The following EPHX2 variants were observed in gnomAD, a reference collection of about 807,000 sequenced individuals.
The protein encoded by EPHX2 is bifunctional epoxide hydrolase 2.
Under a neutral mutation model 78.7 loss-of-function variants are expected in EPHX2, and 74 were observed. The ratio of observed to expected loss-of-function variants is 0.94; its 90% CI spans 0.78 to 1.14. The LOEUF (loss-of-function observed/expected upper bound fraction) is 1.14. Among genes scored for constraint, EPHX2 ranks in the 50% most tolerant of loss-of-function variants. EPHX2 has a pLI of 0.00. For synonymous variants in EPHX2, 251 were observed against 255.2 expected, an observed-to-expected ratio of 0.98 and a Z score of 0.16; for missense variants, 715 against 702.5, an observed-to-expected ratio of 1.02 and a Z score of -0.20.
intron 11 of EPHX2, 138 bp downstream of exon 11, chr8:27,522,646 A>C (rs117644756): frequency 1.2e-6 from 1 of 836,552 alleles, no homozygotes; most frequent in Admixed American, 2.3e-5. Flanking sequence ...TTCACTCTTT[A>C]GTGTCTGGTG....
At position 27,531,615 on chromosome 8, in the gene EPHX2, G is replaced by A. The variant is rs188816324; in HGVS notation, c.1171-5169G>A. 9.2e-5 allele frequency among the ~76,000 whole-genome samples: 14 copies of A among 152,316 alleles called. No individual in the cohort carries two copies. In the East Asian group the frequency reaches 2.5e-3, roughly 27 times the overall value. On this transcript the variant is annotated intron_variant, in intron 12 of 18. Coordinates refer to ENST00000521400, the MANE Select transcript of EPHX2 (RefSeq NM_001979.6). ...CTGGCCCAGCCCGCTGACCAGCAGA[G>A]GCTTCACCTCCACTCCTGGATGGCA...
At chr8:27,543,962 C>T in intron 17 of EPHX2, 133 bp downstream of exon 17, 1 of 1,010,416 alleles carries the variant, frequency 9.9e-7, no homozygotes, top group South Asian at 1.5e-5. Flanking sequence ...TCATCAGTAA[C>T]ATCACTGTCC....
intron 12 of EPHX2, among the ~76,000 whole-genome samples, chr8:27,529,247 T>C (rs1194461382): frequency 6.6e-6 from 1 of 152,206 alleles, no homozygotes; most frequent in Non-Finnish European, 1.5e-5. Flanking sequence ...CAAACAAGGC[T>C]TGCTTTTCTT....
chr8:27,537,732 T>C (rs10283378), intron 13 of EPHX2, among the ~76,000 whole-genome samples: 35,866 of 152,102 alleles, frequency 0.24, 5,230 homozygotes, highest in African/African-American at 0.42. Context: ...TTTCAATTAT[T>C]TTAAGTATAT....
chr8:27,494,190 A>T (rs1347504995), intron 1 of EPHX2, among the ~76,000 whole-genome samples: 1 of 152,122 alleles, frequency 6.6e-6, no homozygotes, highest in Non-Finnish European at 1.5e-5. Context: ...ATAGGGTGTA[A>T]TTACACTGAT....
intron 1 of EPHX2, among the ~76,000 whole-genome samples, chr8:27,499,346 C>A (rs989472219): frequency 1.3e-5 from 2 of 152,144 alleles, no homozygotes; most frequent in African/African-American, 4.8e-5. Context: ...GTTTAAAAAA[C>A]CAACAACTGT....
Position 27,515,708 on chromosome 8 carries a change from C to G in EPHX2, c.736-10C>G. The G allele has an allele frequency of 1.2e-6, 2 of 1,613,182 alleles. No individual in the cohort carries two copies. The highest frequency in any genetic ancestry group is 1.7e-6 in the Non-Finnish European group (2 of 1,179,624). On this transcript the variant is annotated splice_polypyrimidine_tract_variant and intron_variant, in intron 6 of 18. Coordinates refer to ENST00000521400, the MANE Select transcript of EPHX2 (RefSeq NM_001979.6). ...CTTGGTCGCTGCCCTCTCCTCTTTC[C>G]CTTCCACAGCCCAGGGTCCGTCTGC... is the stretch of plus-strand genomic sequence containing the variant.
intron 2 of EPHX2, among the ~76,000 whole-genome samples, chr8:27,501,687 A>G (rs1813809360): frequency 6.6e-6 from 1 of 152,160 alleles, no homozygotes; most frequent in Admixed American, 6.5e-5. Flanking sequence ...TGCTAGGATT[A>G]CAGGTATGAG....
In EPHX2 at chr8:27,503,668, A is replaced by G. The variant is rs1813884321; in HGVS notation, c.251A>G (p.Lys84Arg). Reference sequence around the variant, plus strand: ...GAGACCGCTAAAGTCTGCCTCCCCAAGAATTTCTCCATAAAAGAAATCTTT... The same window carrying G: ...GAGACCGCTAAAGTCTGCCTCCCCAGGAATTTCTCCATAAAAGAAATCTTT... ...CSETAKVCLP[K>R]NFSIKEIFDK... Residue 84 changes from lysine (K) to arginine (R), a missense_variant, in exon 3 of 19, where the codon AAG becomes AGG. Physicochemically the swap from Lys to Arg is conservative, Grantham distance 26. Transcript: ENST00000521400. 1 of 1,613,994 alleles carries G rather than the reference A, an allele frequency of 6.2e-7. No homozygotes were observed. The highest frequency in any genetic ancestry group is 8.5e-7 in the Non-Finnish European group (1 of 1,180,018).
chr8:27,514,621 A>G (rs758018147), intron 6 of EPHX2, among the ~76,000 whole-genome samples: 15 of 152,140 alleles, frequency 9.9e-5, no homozygotes, highest in Non-Finnish European at 2.2e-4. Flanking sequence ...CTCTGTCCAC[A>G]CAGCCATTCA....
At position 27,499,352 on chromosome 8, in the gene EPHX2, A is replaced by G. The variant is rs137878766; in HGVS notation, c.102-1574A>G. ...AACAAAGCTGTTTAAAAAACCAACA[A>G]CTGTTGGCAAAGGTATGGGAAAACC... On this transcript the variant is annotated intron_variant, in intron 1 of 18. Transcript: ENST00000521400. 2.0e-4 allele frequency among the ~76,000 whole-genome samples: 31 copies of G among 152,272 alleles called. No homozygotes were observed. The East Asian group carries it at 2.3e-3, about 11-fold the overall frequency.
Position 27,544,533 on chromosome 8 carries a change from G to T in EPHX2, c.*11G>T, listed in dbSNP as rs529710398. ...GTCTCAAAGATGTAGAACGCAGCGT[G>T]TGCCCACGCTCAGCAGGTGTGCCAT... On this transcript the variant is annotated 3_prime_UTR_variant, in exon 19 of 19. Coordinates refer to ENST00000521400, the MANE Select transcript of EPHX2 (RefSeq NM_001979.6). 4.3e-6 allele frequency: 7 copies of T among 1,613,284 alleles called. No individual in the cohort carries two copies. The African/African-American group carries it at 8.0e-5, about 18-fold the overall frequency.
chr8:27,510,843 G>C (rs1814213210), intron 5 of EPHX2, among the ~76,000 whole-genome samples: 1 of 152,144 alleles, frequency 6.6e-6, no homozygotes, highest in Admixed American at 6.5e-5. Context: ...CAGCTACTTA[G>C]GAGGCTGAGG....
At chr8:27,537,534 T>C (rs766904667) in intron 13 of EPHX2, among the ~76,000 whole-genome samples, 2 of 152,194 alleles carry the variant, frequency 1.3e-5, no homozygotes, top group South Asian at 2.1e-4. Flanking sequence ...TATACATTAA[T>C]TGTCTTAGCC....
In EPHX2 at chr8:27,543,779, GAGA is replaced by G; in HGVS notation, c.1483_1485del (p.Lys495del). The stretch of plus-strand genomic sequence containing the variant: ...GATTCCGGCCCTGATGGTCACGGCG[GAGA>G]AGGACTTCGTGCTCGTTCCTCAGAT... On this transcript the variant is annotated inframe_deletion, in exon 17 of 19. Coordinates refer to ENST00000521400, the MANE Select transcript of EPHX2 (RefSeq NM_001979.6). 3.7e-6 allele frequency: 6 copies of G among 1,614,092 alleles called. No homozygotes were observed. The highest frequency in any genetic ancestry group is 5.1e-6 in the Non-Finnish European group (6 of 1,180,018).
chr8:27,532,157 G>T (rs1003692833), intron 12 of EPHX2, among the ~76,000 whole-genome samples: 7 of 151,980 alleles, frequency 4.6e-5, no homozygotes, highest in Non-Finnish European at 8.8e-5. Flanking sequence ...GTGGTGCCTG[G>T]GCCCCCTGAG....
chr8:27,543,738 TCTC>T lies in EPHX2; in HGVS notation c.1450-9_1450-7del, dbSNP rs751108813. 28 of 1,613,748 alleles carry T rather than the reference TCTC, an allele frequency of 1.7e-5. No individual in the cohort carries two copies. Among genetic ancestry groups the T allele is most frequent in the Non-Finnish European group, 2.4e-5 (28 of 1,179,888 alleles). The stretch of plus-strand genomic sequence containing the variant: ...AGTGCTGGCCACTTCTGTTTCCTGT[TCTC>T]CCCCCAGATCCTGATTCCGGCCCTG... On this transcript the variant is annotated splice_region_variant and splice_polypyrimidine_tract_variant and intron_variant, in intron 16 of 18. Coordinates refer to ENST00000521400, the MANE Select transcript of EPHX2 (RefSeq NM_001979.6).
chr8:27,538,935 G>C lies in EPHX2; in HGVS notation c.1276+243G>C, dbSNP rs72477580. ...TCTTAAGCAGTAAGAGCTTGGAGGA[G>C]TCTTAGAGCTTGTCCAGGGCAAAAT... On this transcript the variant is annotated intron_variant, in intron 14 of 18. Coordinates refer to ENST00000521400, the MANE Select transcript of EPHX2 (RefSeq NM_001979.6). 2,980 of 537,312 alleles carry C rather than the reference G, an allele frequency of 5.5e-3. 68 individuals are homozygous for C. Among genetic ancestry groups the C allele is most frequent in the African/African-American group, 0.051 (2,695 of 52,672 alleles). The allele number at this position is 537,312 out of a possible 1,614,324, so 33.3% of individuals were successfully genotyped here. A position where few individuals can be genotyped will look rare whatever the true frequency, so the allele number is the denominator to read the frequency against.
intron 12 of EPHX2, among the ~76,000 whole-genome samples, chr8:27,530,647 G>A (rs1354855348): frequency 2.0e-5 from 3 of 151,966 alleles, no homozygotes; most frequent in African/African-American, 7.3e-5. Flanking sequence ...GTAATCCTCT[G>A]TGGAGGGACA....
Sources: gnomAD v4.1 joint callset for allele counts (sites outside exome capture counted in the v4.1 genomes callset) on GRCh38, gnomAD v4.1.1 for gene constraint, MANE v1.5 for transcripts, NCBI Gene and HGNC (gene_info 2026-07-23, HGNC 2026-07-21) for gene names.